Variants in NCOA6 observed in about 807,000 individuals in gnomAD.
NCOA6 encodes nuclear receptor coactivator 6.
NCOA6 carries 49 observed loss-of-function variants against 171.4 expected under a neutral mutation model. The observed-to-expected ratio is 0.29, with a 90% CI of 0.23 to 0.36. The LOEUF is 0.36. Among genes scored for constraint, NCOA6 ranks in the 10% least tolerant of loss-of-function variants. NCOA6 has a pLI of 1.00. For synonymous variants in NCOA6, 910 were observed against 927.5 expected (o/e 0.98, Z 0.34); for missense variants, 2,248 against 2,554.5 (o/e 0.88, Z 2.59).
At position 34,740,975 on chromosome 20, in the gene NCOA6, G is replaced by A; in HGVS notation, c.5281C>T (p.Gln1761Ter). 6.2e-7 allele frequency: 1 copy of A among 1,614,206 alleles called. No individual in the cohort carries two copies. Among genetic ancestry groups the A allele is most frequent in the Non-Finnish European group, 8.5e-7 (1 of 1,180,040 alleles). Residue 1761 changes from glutamine (Q) to a stop codon, truncating the protein, a stop_gained, in exon 11 of 15, where the codon CAG (glutamine) becomes TAG (stop). Coordinates refer to ENST00000359003, the MANE Select transcript of NCOA6 (RefSeq NM_014071.5). LOFTEE classifies it high-confidence loss of function. ...SPVVPSHPPV[Q>*]QVKELNPDEA... ...TCTGGATTCAATTCTTTCACTTGCT[G>A]CACAGGGGGATGAGAAGGGACAACT...
Position 34,750,388 on chromosome 20 carries a change from G to C in NCOA6, c.1807C>G (p.Gln603Glu), listed in dbSNP as rs747384092. Residue 603 changes from glutamine (Q) to glutamate (E), a missense_variant, in exon 9 of 15, where the codon CAA (glutamine) becomes GAA (glutamate). Physicochemically the swap from Gln to Glu is conservative, Grantham distance 29 (BLOSUM62 2). This residue lies in a region of NCOA6 where 987 missense variants were observed against 1,104.7 expected (regional missense o/e 0.89). Coordinates refer to ENST00000359003, the MANE Select transcript of NCOA6 (RefSeq NM_014071.5). Reference protein sequence around the residue: ...NQQAGTSGVPQVNLSNMQGQP... With the variant: ...NQQAGTSGVPEVNLSNMQGQP... ...CCTTGCATGTTGCTGAGGTTCACTT[G>C]AGGAACCCCAGAAGTACCAGCCTGC... 2.5e-6 allele frequency: 4 copies of C among 1,614,110 alleles called. No homozygotes were observed. In the East Asian group the frequency reaches 8.9e-5, roughly 36 times the overall value.
intron 1 of NCOA6, among the ~76,000 whole-genome samples, chr20:34,815,207 C>T (rs1326339810): frequency 6.9e-6 from 1 of 145,502 alleles, no homozygotes; most frequent in African/African-American, 2.5e-5. Flanking sequence ...GACCCATTCT[C>T]TACCCCAAAA....
chr20:34,776,991 C>T (rs1219315321), intron 3 of NCOA6, among the ~76,000 whole-genome samples: 1 of 152,034 alleles, frequency 6.6e-6, no homozygotes, highest in Admixed American at 6.6e-5. Flanking sequence ...GTGGCATGCA[C>T]CTGTAGTCCC....
chr20:34,784,360 G>A (rs2077602618), intron 2 of NCOA6, among the ~76,000 whole-genome samples: 1 of 151,716 alleles, frequency 6.6e-6, no homozygotes, highest in African/African-American at 2.4e-5. Context: ...AAGCAGCTGG[G>A]GTTACAGGCG....
intron 2 of NCOA6, among the ~76,000 whole-genome samples, chr20:34,791,309 A>G (rs1405337157): frequency 6.6e-6 from 1 of 152,208 alleles, no homozygotes; most frequent in Non-Finnish European, 1.5e-5. Flanking sequence ...TTTTTCTTGT[A>G]TCTTTTTACT....
At chr20:34,716,820 T>C (rs973439830) in intron 14 of NCOA6, among the ~76,000 whole-genome samples, 23 of 152,118 alleles carry the variant, frequency 1.5e-4, no homozygotes, top group Non-Finnish European at 3.2e-4. Context: ...GTGAATAGCC[T>C]GAAGCTCTCC....
rs1407329529 is a variant in NCOA6, at chr20:34,780,447, T to A, written c.235+1674A>T. 2.0e-5 allele frequency among the ~76,000 whole-genome samples: 3 copies of A among 151,918 alleles called. No individual in the cohort carries two copies. The East Asian group carries it at 5.8e-4, about 29-fold the overall frequency. ...ATCTCGGCTCACTGCAACCTCTACC[T>A]CCCAGGTTCAAGCAATGCCTCAGCC... On this transcript the variant is annotated intron_variant, in intron 3 of 14. Coordinates refer to ENST00000359003, the MANE Select transcript of NCOA6 (RefSeq NM_014071.5).
chr20:34,784,953 C>T (rs367547315), intron 2 of NCOA6, among the ~76,000 whole-genome samples: 91 of 151,544 alleles, frequency 6.0e-4, no homozygotes, highest in African/African-American at 1.8e-3. Context: ...TGGTAGCAGG[C>T]GCCTATAATC....
intron 13 of NCOA6, among the ~76,000 whole-genome samples, chr20:34,729,455 C>T (rs897247861): frequency 4.6e-5 from 7 of 152,012 alleles, no homozygotes; most frequent in East Asian, 1.9e-4. Context: ...GGTTCAAAAA[C>T]GCATGTTAAA....
intron 5 of NCOA6, among the ~76,000 whole-genome samples, chr20:34,763,106 T>C (rs1452820997): frequency 6.6e-6 from 1 of 152,228 alleles, no homozygotes; most frequent in African/African-American, 2.4e-5. Context: ...TTTTATTTTG[T>C]AGTGCTCAGG....
chr20:34,813,161 GA>G (rs981464200), intron 1 of NCOA6, among the ~76,000 whole-genome samples: 114 of 130,408 alleles, frequency 8.7e-4, no homozygotes, highest in Middle Eastern at 4.3e-3. Flanking sequence ...CACTGTCTCA[GA>G]AAAAAAAAAA....
chr20:34,736,569 C>A, intron 12 of NCOA6, 121 bp downstream of exon 12: 1 of 800,000 alleles, frequency 1.3e-6, no homozygotes, highest in Non-Finnish European at 1.9e-6. Context: ...TGCTCTGAAG[C>A]AAACAGATAA....
intron 10 of NCOA6, among the ~76,000 whole-genome samples, chr20:34,743,942 T>G (rs1184306745): frequency 6.6e-6 from 1 of 152,256 alleles, no homozygotes; most frequent in Non-Finnish European, 1.5e-5. Flanking sequence ...TCCAATTCAT[T>G]GGCTCCATAC....
chr20:34,747,439 T>C (rs1346513036), intron 9 of NCOA6, among the ~76,000 whole-genome samples: 1 of 152,246 alleles, frequency 6.6e-6, no homozygotes, highest in Non-Finnish European at 1.5e-5. Flanking sequence ...ACAAAGATTT[T>C]GCTGCAGAAT....
chr20:34,733,398 C>T (rs539018796), intron 12 of NCOA6, among the ~76,000 whole-genome samples: 4 of 152,264 alleles, frequency 2.6e-5, no homozygotes, highest in Non-Finnish European at 4.4e-5. Flanking sequence ...ACATGTCTAA[C>T]CTACTCTACT....
intron 8 of NCOA6, among the ~76,000 whole-genome samples, chr20:34,751,166 C>T (rs1405883863): frequency 1.3e-5 from 2 of 150,164 alleles, no homozygotes; most frequent in Admixed American, 6.7e-5. Context: ...GTCAGGAGAT[C>T]GAGACCATCC....
chr20:34,746,295 A>C (rs931473585), intron 10 of NCOA6, among the ~76,000 whole-genome samples: 1 of 149,478 alleles, frequency 6.7e-6, no homozygotes, highest in Admixed American at 6.7e-5. Flanking sequence ...GCTGGAGTGC[A>C]GTGGCATGAT....
intron 5 of NCOA6, among the ~76,000 whole-genome samples, chr20:34,764,174 G>A (rs1484787937): frequency 6.6e-6 from 1 of 150,772 alleles, no homozygotes; most frequent in African/African-American, 2.4e-5. Flanking sequence ...TGCAAGCTCC[G>A]CCTCCCAGGT....
chr20:34,812,272 C>A (rs372752164), intron 1 of NCOA6, among the ~76,000 whole-genome samples: 109 of 149,914 alleles, frequency 7.3e-4, no homozygotes, highest in East Asian at 1.2e-3. Context: ...AAAACAACAA[C>A]AAAAAAACTA....
Sources: allele counts gnomAD v4.1 joint callset (sites outside exome capture counted in the v4.1 genomes callset), GRCh38; gene constraint gnomAD v4.1.1; regional missense constraint gnomAD v4.1.1; transcripts MANE v1.5; gene names NCBI Gene and HGNC (gene_info 2026-07-23, HGNC 2026-07-21).